Variants in SPINK2 observed in about 807,000 individuals in gnomAD.
SPINK2 encodes the protein serine peptidase inhibitor Kazal type 2, also known as serine protease inhibitor Kazal-type 2.
SPINK2 carries 8 observed loss-of-function variants against 13.5 expected under a neutral mutation model. The observed-to-expected ratio is 0.59, with a 90% confidence interval of 0.35 to 1.07. The LOEUF is 1.07. SPINK2 is among the 50% of genes least tolerant of loss of function. The probability of loss-of-function intolerance (pLI) is 0.02; values close to 1 mark genes in which losing one functional copy is unlikely to be tolerated. For synonymous variants in SPINK2, 76 were observed against 74.7 expected (o/e 1.02, Z -0.09); for missense variants, 148 against 180.3 (o/e 0.82, Z 1.03).
chr4:56,821,585 G>A lies in SPINK2; in HGVS notation c.78C>T (p.Gly26=), dbSNP rs1374049955. Residue 26 remains glycine (G), a synonymous_variant, in exon 1 of 4, where the codon GGC becomes GGT. Transcript: ENST00000506738. ...CGCTTTTCTCCGGAGGTCCCCGCTC[G>A]CCAGGACCGCTCCGAGCGCTACCTG... ...TFAGSARSGP[G]ERGPPEKSGF... The A allele has an allele frequency of 1.3e-6, 2 of 1,548,360 alleles. No individual in the cohort carries two copies. The highest frequency in any genetic ancestry group is 1.7e-6 in the Non-Finnish European group (2 of 1,146,856).
chr4:56,815,756 A>G (rs548597741), intron 2 of SPINK2, among the ~76,000 whole-genome samples: 390 of 132,992 alleles, frequency 2.9e-3, no homozygotes, highest in Middle Eastern at 7.4e-3. Flanking sequence ...GAAATTCCTA[A>G]GAAATTCACA....
chr4:56,821,287 A>G (rs1717911887), intron 1 of SPINK2, 171 bp downstream of exon 1: 2 of 985,020 alleles, frequency 2.0e-6, no homozygotes, highest in African/African-American at 1.7e-5. Context: ...CCTTGGGACC[A>G]TACATAAAAA....
At position 56,811,536 on chromosome 4, in the gene SPINK2, C is replaced by T. The variant is rs528926224; in HGVS notation, c.359+149G>A. On this transcript the variant is annotated intron_variant, in intron 3 of 3. Transcript: ENST00000506738. ...AGAGGCTGAGGCACAAGAATTGCTT[C>T]AACCCAGGAGGCAGAGGTTGCAGTG... 3.3e-3 allele frequency: 1,120 copies of T among 343,506 alleles called. 7 individuals carry two copies. Among genetic ancestry groups the T allele is most frequent in the Middle Eastern group, 0.03 (30 of 1,014 alleles). 21.3% of individuals were successfully genotyped at this position (343,506 alleles called of 1,614,324 possible).
At chr4:56,812,307 C>A (rs1351924056) in intron 2 of SPINK2, among the ~76,000 whole-genome samples, 1 of 151,734 alleles carries the variant, frequency 6.6e-6, no homozygotes, top group East Asian at 2.0e-4. Flanking sequence ...GTAATCCCAA[C>A]ACTTTGGGAG....
At chr4:56,821,198 A>T in intron 1 of SPINK2, 1 of 558,568 alleles carries the variant, frequency 1.8e-6, no homozygotes, top group Non-Finnish European at 2.3e-6. Flanking sequence ...ACTCCATTTT[A>T]AGAGAGGTGT....
At chr4:56,818,874 G>T (rs768386136) in intron 2 of SPINK2, among the ~76,000 whole-genome samples, 1 of 152,202 alleles carries the variant, frequency 6.6e-6, no homozygotes, top group Non-Finnish European at 1.5e-5. Flanking sequence ...GTGAGATGCT[G>T]AAGACTGAGC....
chr4:56,810,753 A>C (rs1578422914), intron 3 of SPINK2: 1 of 152,224 alleles, frequency 6.6e-6, no homozygotes, highest in African/African-American at 2.4e-5. Flanking sequence ...AGGCTGAGTC[A>C]GGAGAATCGC....
intron 2 of SPINK2, 146 bp from the exon 3 acceptor site, chr4:56,811,940 T>C: frequency 1.3e-5 from 3 of 227,016 alleles, no homozygotes; most frequent in African/African-American, 7.2e-5. Context: ...ATTTTTTCTT[T>C]TTTTTTTTTT....
intron 2 of SPINK2, among the ~76,000 whole-genome samples, chr4:56,813,500 G>A (rs2109653732): frequency 1.3e-5 from 2 of 152,242 alleles, no homozygotes; most frequent in East Asian, 3.9e-4. Flanking sequence ...TGGCCAGTGA[G>A]CGTTATCAAC....
At chr4:56,819,579 TAAC>T (rs1560417761) in intron 2 of SPINK2, among the ~76,000 whole-genome samples, 1 of 151,694 alleles carries the variant, frequency 6.6e-6, no homozygotes, top group Non-Finnish European at 1.5e-5. Context: ...ATAACCCCTT[TAAC>T]AATCAGCCCA....
At chr4:56,821,713 T>TCGCA, upstream of SPINK2, 4 of 1,376,160 alleles carry the variant, frequency 2.9e-6, no homozygotes, top group Non-Finnish European at 3.7e-6. Flanking sequence ...CCTGCGCCAC[T>TCGCA]CGCAGGGAGC....
rs57162077 is a variant in SPINK2, at chr4:56,812,563, C to CAAA, written c.250-772_250-770dup. The stretch of plus-strand genomic sequence containing the variant: ...GGGCAACGAGAACGAAACTCCATCT[C>CAAA]AAAAAAAAAAAAAAAAAAAAAAAAA... On this transcript the variant is annotated intron_variant, in intron 2 of 3. Coordinates refer to ENST00000506738, the MANE Select transcript of SPINK2 (RefSeq NM_001271718.2). 1.7e-3 allele frequency among the ~76,000 whole-genome samples: 28 copies of CAAA among 16,362 alleles called. 2 individuals carry two copies. The highest frequency in any genetic ancestry group is 3.0e-3 in the African/African-American group (16 of 5,300). The allele number at this position is 16,362 out of a possible 152,430, so 10.7% of individuals were successfully genotyped here.
At chr4:56,814,744 G>A (rs1211949489) in intron 2 of SPINK2, among the ~76,000 whole-genome samples, 3 of 151,696 alleles carry the variant, frequency 2.0e-5, no homozygotes, top group African/African-American at 7.3e-5. Flanking sequence ...GGTGGATCAC[G>A]AGGTCAGGAA....
At chr4:56,820,711 T>C in intron 1 of SPINK2, 132 bp from the exon 2 acceptor site, 1 of 677,008 alleles carries the variant, frequency 1.5e-6, no homozygotes. Context: ...GCTTAAGCGA[T>C]CTTCCTGCCT....
At chr4:56,811,884 G>C in intron 2 of SPINK2, 90 bp from the exon 3 acceptor site, 1 of 442,664 alleles carries the variant, frequency 2.3e-6, no homozygotes, top group Non-Finnish European at 3.9e-6. Context: ...GATCTCCCTA[G>C]ATTTCCTAGA....
chr4:56,813,294 G>A (rs758230742), intron 2 of SPINK2, among the ~76,000 whole-genome samples: 4 of 152,150 alleles, frequency 2.6e-5, no homozygotes, highest in Non-Finnish European at 4.4e-5. Flanking sequence ...CTGCACTCCC[G>A]CCTAGACAAC....
upstream of SPINK2, chr4:56,821,779 G>A (rs1717978373): frequency 1.8e-6 from 2 of 1,127,526 alleles, no homozygotes; most frequent in Admixed American, 3.9e-5. Context: ...AGAATGGGAG[G>A]AAAAGCAGCG....
chr4:56,812,210 T>C (rs2109650005), intron 2 of SPINK2, among the ~76,000 whole-genome samples: 1 of 151,242 alleles, frequency 6.6e-6, no homozygotes, highest in African/African-American at 2.4e-5. Flanking sequence ...AATTTTCTAA[T>C]GCAAAAATCA....
intron 2 of SPINK2, among the ~76,000 whole-genome samples, chr4:56,819,310 A>G (rs765609947): frequency 6.6e-6 from 1 of 152,194 alleles, no homozygotes; most frequent in African/African-American, 2.4e-5. Flanking sequence ...TGAATGCTCA[A>G]AGTTAACCTG....
Sources: gnomAD v4.1 joint callset for allele counts (sites outside exome capture counted in the v4.1 genomes callset) on GRCh38, gnomAD v4.1.1 for gene constraint, MANE v1.5 for transcripts, NCBI Gene and HGNC (gene_info 2026-07-23, HGNC 2026-07-21) for gene names.